Variants in FAT1 observed in about 807,000 individuals in gnomAD.
FAT1 encodes the protein protocadherin Fat 1.
Under a neutral mutation model 329.8 loss-of-function variants are expected in FAT1, and 171 were observed. The ratio of observed to expected loss-of-function variants is 0.52; its 90% confidence interval spans 0.46 to 0.59. The LOEUF (loss-of-function observed/expected upper bound fraction) is 0.59, where lower values mean the gene tolerates loss of function less well. FAT1 is among the 20% of genes least tolerant of loss of function. The pLI is 0.00. For missense variants in FAT1, 5,672 were observed against 5,774.4 expected, an observed-to-expected ratio of 0.98 and a Z score of 0.57; for synonymous variants, 2,233 against 2,228.6, an observed-to-expected ratio of 1.00 and a Z score of -0.06.
At position 186,618,524 on chromosome 4, in the gene FAT1, GAAC is replaced by G. The variant is rs1191017423; in HGVS notation, c.8059_8061del (p.Val2687del). ...GGTGGAAGGATTTTAACATAGACAA[GAAC>G]AACAGATTCTTTTGATGGAGACCCA... On this transcript the variant is annotated inframe_deletion, in exon 10 of 27. Coordinates refer to ENST00000441802, the MANE Select transcript of FAT1 (RefSeq NM_005245.4). 1 of 1,614,000 alleles carries G rather than the reference GAAC, an allele frequency of 6.2e-7. No homozygotes were observed. The highest frequency in any genetic ancestry group is 8.5e-7 in the Non-Finnish European group (1 of 1,179,880).
At chr4:186,599,226 C>T (rs1166845356) in intron 22 of FAT1, among the ~76,000 whole-genome samples, 1 of 152,184 alleles carries the variant, frequency 6.6e-6, no homozygotes, top group Non-Finnish European at 1.5e-5. Context: ...AAATATACCT[C>T]CCTGAGAGAA....
In FAT1 at chr4:186,651,760, C is replaced by T. The variant is rs77421396; in HGVS notation, c.3580+11539G>A. ...GCAGCTTCTCCTTCACTTTATCACT[C>T]AGCACCCAGCCCCTCAGAGCTCTGG... On this transcript the variant is annotated intron_variant, in intron 3 of 26. Transcript: ENST00000441802. Among the ~76,000 whole-genome samples, 189 of 152,318 alleles carry T rather than the reference C, an allele frequency of 1.2e-3. 1 individual carries two copies. The highest frequency in any genetic ancestry group is 4.4e-3 in the African/African-American group (181 of 41,562).
At chr4:186,645,387 A>C (rs1560962324) in intron 3 of FAT1, among the ~76,000 whole-genome samples, 8 of 83,848 alleles carry the variant, frequency 9.5e-5, no homozygotes, top group African/African-American at 4.2e-4. Flanking sequence ...ATATATATAT[A>C]TATATATATA....
intron 2 of FAT1, among the ~76,000 whole-genome samples, chr4:186,676,233 A>T (rs1363893135): frequency 6.6e-6 from 1 of 151,832 alleles, no homozygotes; most frequent in African/African-American, 2.4e-5. Context: ...ATAATGCAAC[A>T]TGTAATAAAG....
chr4:186,709,337 AT>A lies in FAT1; in HGVS notation c.490del (p.Ile164Ter). 1 of 1,613,972 alleles carries A rather than the reference AT, an allele frequency of 6.2e-7. No individual in the cohort carries two copies. The highest frequency in any genetic ancestry group is 8.5e-7 in the Non-Finnish European group (1 of 1,179,898). ...GCTGACTCTTGCGATACTGGTCCTT[AT>A]AGCTGTGTTTTCAGGTAAAGAAACG... Reference protein sequence around the residue: ...YSVSLPENTAIRTSIARVSAT... With the variant: ...YSVSLPENTAXRTSIARVSAT... On this transcript the variant is annotated frameshift_variant, in exon 2 of 27. Transcript: ENST00000441802. LOFTEE classifies it high-confidence loss of function.
chr4:186,690,889 G>A (rs1370691357), intron 2 of FAT1, among the ~76,000 whole-genome samples: 1 of 152,056 alleles, frequency 6.6e-6, no homozygotes, highest in Non-Finnish European at 1.5e-5. Context: ...TAATACTTAC[G>A]CTAATCACAT....
rs2126467580 is a variant in FAT1, at chr4:186,611,506, C to A, written c.9733G>T (p.Val3245Phe). ...YGATVSEDILVGTEVLQVYAA... is the reference protein window; with the variant it reads ...YGATVSEDILFGTEVLQVYAA... ...TACACTTGAAGAACTTCAGTTCCAA[C>A]AAGAATGTCCTCAGACACGGTGGCA... The change falls in exon 14 of 27, where the codon GTT becomes TTT. Residue 3245 changes from valine to phenylalanine, a missense_variant. Transcript: ENST00000441802. 1 of 1,613,958 alleles carries A rather than the reference C, an allele frequency of 6.2e-7. No homozygotes were observed. The highest frequency in any genetic ancestry group is 1.1e-5 in the South Asian group (1 of 91,086).
At chr4:186,629,100 G>A (rs1189774240) in intron 7 of FAT1, among the ~76,000 whole-genome samples, 4 of 151,842 alleles carry the variant, frequency 2.6e-5, no homozygotes, top group African/African-American at 9.7e-5. Flanking sequence ...ACTCATGTAC[G>A]GATAACAATT....
chr4:186,725,334 T>A (rs1282773880), upstream of FAT1, among the ~76,000 whole-genome samples: 2 of 151,858 alleles, frequency 1.3e-5, no homozygotes, highest in Non-Finnish European at 2.9e-5. This position sits in a 1 kb window ranked among gnomAD's most constrained non-coding sequence, Gnocchi z 5.4. Flanking sequence ...GCGGGAGTAA[T>A]GCTAAAAGGG....
intron 3 of FAT1, among the ~76,000 whole-genome samples, chr4:186,656,341 A>G (rs1026196360): frequency 2.6e-5 from 4 of 152,210 alleles, no homozygotes; most frequent in African/African-American, 9.7e-5. Flanking sequence ...TCCCCACTCA[A>G]TGAGGGCCCA....
rs2126699839 is a variant in FAT1 at position 186,708,885 on chromosome 4, A to C, written c.943T>G (p.Tyr315Asp). ...TVRSFPGSKE[Y>D]KVKAIGGIDW... Reference sequence around the variant, plus strand: ...ATGCCACCGATGGCTTTGACTTTATACTCCTTACTCCCTGGAAAGGACCTC... The same window carrying C: ...ATGCCACCGATGGCTTTGACTTTATCCTCCTTACTCCCTGGAAAGGACCTC... The change falls in exon 2 of 27, where the codon TAT becomes GAT. Residue 315 changes from tyrosine to aspartate, a missense_variant. Around this residue, in one of 2 missense-constraint regions of FAT1, gnomAD observed 3,966 missense variants for 3,915.2 expected, o/e 1.01. Transcript: ENST00000441802. The C allele has an allele frequency of 6.2e-7, 1 of 1,613,624 alleles. No homozygotes were observed. The highest frequency in any genetic ancestry group is 8.5e-7 in the Non-Finnish European group (1 of 1,179,820).
intron 6 of FAT1, 56 bp downstream of exon 6, chr4:186,635,969 G>A: frequency 6.8e-7 from 1 of 1,469,804 alleles, no homozygotes; most frequent in Non-Finnish European, 9.5e-7. Context: ...CAAACCGTAT[G>A]CAGGTTCTCC....
rs574641055 is a variant in FAT1 at position 186,632,634 on chromosome 4, C to T, written c.4323+1050G>A. Among the ~76,000 whole-genome samples the T allele has an allele frequency of 3.3e-5, 5 of 151,768 alleles. No individual in the cohort carries two copies. The South Asian group carries it at 1.0e-3, about 32-fold the overall frequency. The stretch of plus-strand genomic sequence containing the variant: ...CATACATGTATCAATTTTATATACA[C>T]TAAAAATCACAAGCATTTGGAGAAA... On this transcript the variant is annotated intron_variant, in intron 7 of 26. Coordinates refer to ENST00000441802, the MANE Select transcript of FAT1 (RefSeq NM_005245.4).
At chr4:186,601,109 A>G (rs1422932323) in intron 21 of FAT1, among the ~76,000 whole-genome samples, 160 bp downstream of exon 21, 3 of 152,254 alleles carry the variant, frequency 2.0e-5, no homozygotes, top group South Asian at 4.1e-4. Context: ...TCTTCATCCC[A>G]CAAAGTCTAA....
chr4:186,682,526 C>CAAAAAAAAAAAAAAAAAA (rs10561120), intron 2 of FAT1, among the ~76,000 whole-genome samples: 1,644 of 119,190 alleles, frequency 0.014, 20 homozygotes, highest in Non-Finnish European at 0.016. Flanking sequence ...GACTCTGTCT[C>CAAAAAAAAAAAAAAAAAA]AAAAAAAAAA....
chr4:186,634,814 CAAAAAG>C (rs1479341098), intron 6 of FAT1, among the ~76,000 whole-genome samples: 1 of 152,134 alleles, frequency 6.6e-6, no homozygotes, highest in African/African-American at 2.4e-5. Context: ...CTGGCACAGC[CAAAAAG>C]AAGCAAGCGC....
At position 186,709,068 on chromosome 4, in the gene FAT1, C is replaced by T. The variant is rs777849419; in HGVS notation, c.760G>A (p.Ala254Thr). 2 of 1,613,940 alleles carry T rather than the reference C, an allele frequency of 1.2e-6. No individual in the cohort carries two copies. The highest frequency in any genetic ancestry group is 1.7e-5 in the Admixed American group (1 of 60,018). Residue 254 changes from alanine (A) to threonine (T), a missense_variant, in exon 2 of 27, where the codon GCT (alanine) becomes ACT (threonine). Around this residue, in one of 2 missense-constraint regions of FAT1, gnomAD observed 3,966 missense variants for 3,915.2 expected, o/e 1.01. Transcript: ENST00000441802. The part of the protein sequence containing the change: ...TVHIEQANEC[A>T]PVITAVTLSP... ...AATGTCACTGCTGTTATCACCGGAG[C>T]ACATTCATTGGCCTGTTCGATGTGC...
At chr4:186,616,083 G>A (rs1318106019) in intron 11 of FAT1, among the ~76,000 whole-genome samples, 2 of 151,848 alleles carry the variant, frequency 1.3e-5, no homozygotes, top group Non-Finnish European at 2.9e-5. Context: ...CCTCGGTGGT[G>A]GCTTTGGTCC....
Position 186,629,371 on chromosome 4 carries a change from T to TA in FAT1, c.4324-609_4324-608insT, listed in dbSNP as rs566804675. Among the ~76,000 whole-genome samples the TA allele has an allele frequency of 9.8e-5, 15 of 152,348 alleles. No homozygotes were observed. The East Asian group carries it at 2.7e-3, about 27-fold the overall frequency. ...CCTAAAACCAATTTAGTCAATAGAT[T>TA]GAAAAAATAAACTCTCTTAACTATG... On this transcript the variant is annotated intron_variant, in intron 7 of 26. Coordinates refer to ENST00000441802, the MANE Select transcript of FAT1 (RefSeq NM_005245.4).
Sources: gnomAD v4.1 joint callset for allele counts (sites outside exome capture counted in the v4.1 genomes callset) on GRCh38, gnomAD v4.1.1 for gene constraint, gnomAD v4.1.1 regional missense constraint, Gnocchi (gnomAD v3.1) non-coding constraint, MANE v1.5 for transcripts, NCBI Gene and HGNC (gene_info 2026-07-23, HGNC 2026-07-21) for gene names.